The following COL25A1 variants were observed in gnomAD, a reference collection of about 807,000 sequenced individuals.
COL25A1 encodes the protein collagen alpha-1(XXV) chain.
COL25A1 carries 103 observed loss-of-function variants against 128.4 expected under a neutral mutation model. The ratio of observed to expected loss-of-function variants is 0.80; its 90% CI spans 0.68 to 0.94. The LOEUF (loss-of-function observed/expected upper bound fraction) is 0.94. Among genes scored for constraint, COL25A1 ranks in the 40% least tolerant of loss-of-function variants. The pLI, the probability that COL25A1 is intolerant of heterozygous loss-of-function variation, is 0.00. For synonymous variants in COL25A1, 279 were observed against 277.2 expected, an observed-to-expected ratio of 1.01 and a Z score of -0.06; for missense variants, 745 against 840.0, an observed-to-expected ratio of 0.89 and a Z score of 1.40.
chr4:108,928,252 G>A (rs1473538468), intron 11 of COL25A1, among the ~76,000 whole-genome samples: 1 of 152,086 alleles, frequency 6.6e-6, no homozygotes, highest in African/African-American at 2.4e-5. Context: ...AGAAACACTG[G>A]CTGCTAGAAT....
chr4:108,963,571 T>A lies in COL25A1; in HGVS notation c.492+10796A>T, dbSNP rs185055608. 3.6e-3 allele frequency among the ~76,000 whole-genome samples: 550 copies of A among 152,216 alleles called. 3 individuals are homozygous for A. Among genetic ancestry groups the A allele is most frequent in the Admixed American group, 5.8e-3 (89 of 15,278 alleles). On this transcript the variant is annotated intron_variant, in intron 8 of 37. Transcript: ENST00000399132. ...TGTAGGCGTTAGTGCAACTCATGGC[T>A]CTACATTACATGAATTAATAAATCT...
chr4:108,931,478 T>TGTTGAG (rs1480865527), intron 11 of COL25A1, among the ~76,000 whole-genome samples: 2 of 152,218 alleles, frequency 1.3e-5, no homozygotes, highest in African/African-American at 4.8e-5. Flanking sequence ...CAGAGTCATC[T>TGTTGAG]ACTCAGCTGT....
At chr4:108,863,743 G>A (rs1560768930) in intron 20 of COL25A1, among the ~76,000 whole-genome samples, 2 of 152,124 alleles carry the variant, frequency 1.3e-5, no homozygotes, top group Non-Finnish European at 1.5e-5. Flanking sequence ...AATCTGCTGG[G>A]GGCCCAGATA....
rs148045879 is a variant in COL25A1 at position 109,074,274 on chromosome 4, A to T, written c.368-24095T>A. Among the ~76,000 whole-genome samples the T allele has an allele frequency of 4.0e-3, 605 of 152,292 alleles. 2 individuals are homozygous for T. Among genetic ancestry groups the T allele is most frequent in the Non-Finnish European group, 6.2e-3 (424 of 68,020 alleles). ...AGTTCCTAACAGGCCAAGGAGCAGG[A>T]CTGGTCAGTGGCCCAAGGACTGGGG... On this transcript the variant is annotated intron_variant, in intron 3 of 37. Transcript: ENST00000399132.
intron 3 of COL25A1, among the ~76,000 whole-genome samples, chr4:109,217,933 G>T (rs1432883047): frequency 1.3e-5 from 2 of 152,146 alleles, no homozygotes; most frequent in East Asian, 3.8e-4. Context: ...TAAACCCACA[G>T]AAATGGAGGC....
At chr4:109,211,344 T>C (rs114791714) in intron 3 of COL25A1, among the ~76,000 whole-genome samples, 346 of 129,940 alleles carry the variant, frequency 2.7e-3, no homozygotes, top group African/African-American at 8.8e-3. Flanking sequence ...CAATTAAAAA[T>C]ACAAAAAGTA....
intron 31 of COL25A1, chr4:108,834,303 A>C: frequency 6.5e-7 from 1 of 1,529,962 alleles, no homozygotes; most frequent in Non-Finnish European, 8.9e-7. Flanking sequence ...GTGCTGAAGC[A>C]CATGATTCAC....
intron 3 of COL25A1, among the ~76,000 whole-genome samples, chr4:109,121,427 T>C (rs1768093582): frequency 6.6e-6 from 1 of 152,040 alleles, no homozygotes; most frequent in Admixed American, 6.6e-5. Flanking sequence ...AAAACTCAAC[T>C]ATAAGAAAAC....
chr4:108,849,507 C>G, intron 26 of COL25A1, among the ~76,000 whole-genome samples: 1 of 152,088 alleles, frequency 6.6e-6, no homozygotes. Flanking sequence ...CTTTTTTAAA[C>G]TGAAGATGTT....
chr4:109,181,959 T>C (rs932528674), intron 3 of COL25A1, among the ~76,000 whole-genome samples: 3 of 152,116 alleles, frequency 2.0e-5, no homozygotes, highest in African/African-American at 7.2e-5. Flanking sequence ...TATTTGTCTT[T>C]CTGTGCCTGC....
chr4:108,994,164 A>G (rs1305176524), intron 6 of COL25A1, among the ~76,000 whole-genome samples: 1 of 152,210 alleles, frequency 6.6e-6, no homozygotes, highest in Non-Finnish European at 1.5e-5. Flanking sequence ...CGCCTCATCC[A>G]GGAAACTCAA....
intron 3 of COL25A1, among the ~76,000 whole-genome samples, chr4:109,259,984 T>C (rs936406691): frequency 1.3e-5 from 2 of 152,236 alleles, no homozygotes; most frequent in African/African-American, 4.8e-5. Context: ...AAACAGGCGA[T>C]GCAGGCGATG....
At chr4:109,161,195 C>T (rs1183657604) in intron 3 of COL25A1, among the ~76,000 whole-genome samples, 1 of 152,072 alleles carries the variant, frequency 6.6e-6, no homozygotes, top group African/African-American at 2.4e-5. Flanking sequence ...AAATTTTGCA[C>T]CCGGGAGATA....
intron 13 of COL25A1, among the ~76,000 whole-genome samples, chr4:108,908,281 G>T (rs1382945649): frequency 6.6e-6 from 1 of 152,088 alleles, no homozygotes; most frequent in Non-Finnish European, 1.5e-5. Context: ...TCTCAGGAAG[G>T]CGTCATCACT....
intron 3 of COL25A1, among the ~76,000 whole-genome samples, chr4:109,116,694 T>C (rs1198311872): frequency 6.6e-6 from 1 of 152,050 alleles, no homozygotes; most frequent in Non-Finnish European, 1.5e-5. Context: ...GATAAGAATG[T>C]TGGAATTATC....
intron 3 of COL25A1, among the ~76,000 whole-genome samples, chr4:109,254,342 T>C (rs1282974427): frequency 6.7e-6 from 1 of 150,316 alleles, no homozygotes; most frequent in African/African-American, 2.4e-5. Flanking sequence ...GCCAAAGACA[T>C]TGAGGCTGAA....
intron 3 of COL25A1, among the ~76,000 whole-genome samples, chr4:109,161,289 A>G (rs926602576): frequency 6.6e-6 from 1 of 152,204 alleles, no homozygotes; most frequent in African/African-American, 2.4e-5. Flanking sequence ...ATACTGCTAA[A>G]TATTCTATAG....
In COL25A1 at chr4:108,987,582, G is replaced by C. The variant is rs370007244; in HGVS notation, c.439-13023C>G. Among the ~76,000 whole-genome samples the C allele has an allele frequency of 1.8e-4, 27 of 151,968 alleles. 1 individual carries two copies. In the South Asian group the frequency reaches 5.6e-3, roughly 32 times the overall value. On this transcript the variant is annotated intron_variant, in intron 6 of 37. Coordinates refer to ENST00000399132, the MANE Select transcript of COL25A1 (RefSeq NM_198721.4). ...GTAGAGACGGGGTTTCACCATCTTG[G>C]CCAGGCTGATCTTGAACTCCTGACC...
chr4:109,194,286 G>A (rs1265412965), intron 3 of COL25A1, among the ~76,000 whole-genome samples: 2 of 152,128 alleles, frequency 1.3e-5, no homozygotes, highest in Non-Finnish European at 2.9e-5. Flanking sequence ...TCCTTTTCAG[G>A]TCAGAGGTTA....
Sources: gnomAD v4.1 joint callset for allele counts (sites outside exome capture counted in the v4.1 genomes callset) on GRCh38, gnomAD v4.1.1 for gene constraint, MANE v1.5 for transcripts, NCBI Gene and HGNC (gene_info 2026-07-23, HGNC 2026-07-21) for gene names.